TSNARE1: variants seen among roughly 807,000 people sequenced by gnomAD.
The protein encoded by TSNARE1 is t-SNARE domain-containing protein 1.
Under a neutral mutation model 62.0 loss-of-function variants are expected in TSNARE1, and 49 were observed. The observed-to-expected ratio is 0.79, with a 90% CI of 0.63 to 1.00. The LOEUF is 1.00. Among genes scored for constraint, TSNARE1 ranks in the 50% least tolerant of loss-of-function variants. TSNARE1 has a pLI of 0.00. For missense variants in TSNARE1, 755 were observed against 700.1 expected (o/e 1.08, Z -0.88); for synonymous variants, 328 against 294.4 (o/e 1.11, Z -1.17).
chr8:142,289,137 G>A (rs1461211762), intron 10 of TSNARE1, among the ~76,000 whole-genome samples: 2 of 152,314 alleles, frequency 1.3e-5, no homozygotes, highest in East Asian at 1.9e-4. Context: ...CAGCCCACTC[G>A]GAGGCACCCC....
intron 11 of TSNARE1, chr8:142,278,162 C>T: frequency 2.0e-6 from 2 of 985,360 alleles, no homozygotes; most frequent in Non-Finnish European, 2.4e-6. Flanking sequence ...TGCCCAGGCC[C>T]ATCGCCCAAG....
intron 11 of TSNARE1, chr8:142,280,079 T>G: frequency 8.2e-7 from 1 of 1,213,292 alleles, no homozygotes; most frequent in Non-Finnish European, 1.0e-6. Context: ...AGGATGCGGC[T>G]CCACACGCGG....
intron 12 of TSNARE1, among the ~76,000 whole-genome samples, chr8:142,234,210 C>T (rs764116913): frequency 6.6e-6 from 1 of 151,956 alleles, no homozygotes; most frequent in African/African-American, 2.4e-5. Context: ...TGACCACCAC[C>T]ATGGGTTCAG....
intron 1 of TSNARE1, among the ~76,000 whole-genome samples, chr8:142,371,804 C>T (rs1244505275): frequency 6.6e-6 from 1 of 152,176 alleles, no homozygotes; most frequent in Non-Finnish European, 1.5e-5. Context: ...TTAGCCTAAG[C>T]TGAGGGTTGG....
chr8:142,333,723 G>A (rs1336453530), intron 4 of TSNARE1, among the ~76,000 whole-genome samples: 2 of 152,198 alleles, frequency 1.3e-5, no homozygotes, highest in Non-Finnish European at 2.9e-5. Context: ...TGGCTCCCCA[G>A]CAAGTCCTGG....
At chr8:142,362,577 C>T (rs1233187498) in intron 1 of TSNARE1, among the ~76,000 whole-genome samples, 3 of 152,124 alleles carry the variant, frequency 2.0e-5, no homozygotes, top group African/African-American at 7.2e-5. Context: ...AGCATACAAG[C>T]ACACTAGGCC....
chr8:142,330,651 C>T (rs972502570), intron 6 of TSNARE1, among the ~76,000 whole-genome samples: 10 of 152,230 alleles, frequency 6.6e-5, no homozygotes, highest in Admixed American at 1.3e-4. Context: ...TGGGCTTCTA[C>T]GTCGGGGCGG....
chr8:142,296,499 G>C (rs1206743748), intron 10 of TSNARE1, among the ~76,000 whole-genome samples: 1 of 151,652 alleles, frequency 6.6e-6, no homozygotes, highest in African/African-American at 2.4e-5. Context: ...TGTCTTTGGG[G>C]GCACTGGCCA....
intron 4 of TSNARE1, among the ~76,000 whole-genome samples, chr8:142,339,621 C>T (rs1027195503): frequency 1.1e-4 from 17 of 152,210 alleles, no homozygotes; most frequent in African/African-American, 4.1e-4. Flanking sequence ...CGTGACTAAA[C>T]CCCAAGCTGC....
intron 12 of TSNARE1, among the ~76,000 whole-genome samples, chr8:142,235,799 C>T (rs1004196887): frequency 2.6e-5 from 4 of 152,182 alleles, no homozygotes; most frequent in African/African-American, 4.8e-5. Flanking sequence ...GAAAGGGAAG[C>T]GGCCCTGAGC....
At chr8:142,351,735 G>A (rs1834117620) in intron 2 of TSNARE1, among the ~76,000 whole-genome samples, 1 of 152,170 alleles carries the variant, frequency 6.6e-6, no homozygotes, top group Admixed American at 6.5e-5. Context: ...AATTAAGGTG[G>A]ATTTTGGCAC....
chr8:142,341,940 A>G lies in TSNARE1; in HGVS notation c.745+2026T>C, dbSNP rs117642022. Among the ~76,000 whole-genome samples, 1,184 of 152,324 alleles carry G rather than the reference A, an allele frequency of 7.8e-3. 9 individuals carry two copies. Among genetic ancestry groups the G allele is most frequent in the Non-Finnish European group, 0.012 (802 of 68,016 alleles). Reference sequence around the variant, plus strand: ...TAAAAGCCAGAGACAAGCAGCCCACAGCCCATGACAGCAGTGCTCTGTGTC... The same window carrying G: ...TAAAAGCCAGAGACAAGCAGCCCACGGCCCATGACAGCAGTGCTCTGTGTC... On this transcript the variant is annotated intron_variant, in intron 4 of 13. Coordinates refer to ENST00000524325, the MANE Select transcript of TSNARE1 (RefSeq NM_145003.5).
intron 1 of TSNARE1, among the ~76,000 whole-genome samples, chr8:142,377,173 G>A (rs1836404127): frequency 6.6e-6 from 1 of 152,140 alleles, no homozygotes; most frequent in Admixed American, 6.5e-5. Context: ...AGGTGACTTG[G>A]GACAAAACAT....
chr8:142,219,772 C>T (rs570716070), intron 13 of TSNARE1, among the ~76,000 whole-genome samples: 3 of 152,352 alleles, frequency 2.0e-5, no homozygotes, highest in East Asian at 1.9e-4. Flanking sequence ...CCCTTCCCCC[C>T]TGCCCCTCCA....
intron 6 of TSNARE1, among the ~76,000 whole-genome samples, chr8:142,327,407 A>G (rs891605189): frequency 5.9e-5 from 9 of 151,878 alleles, no homozygotes; most frequent in African/African-American, 2.2e-4. Flanking sequence ...GTGTCCTCAC[A>G]GTGGGACTGA....
intron 9 of TSNARE1, among the ~76,000 whole-genome samples, chr8:142,302,373 AG>A (rs1166735134): frequency 6.6e-6 from 1 of 152,126 alleles, no homozygotes. Context: ...TCTGGACAGG[AG>A]GATCTGACAG....
chr8:142,359,438 A>G (rs945885612), intron 1 of TSNARE1, among the ~76,000 whole-genome samples: 1 of 152,018 alleles, frequency 6.6e-6, no homozygotes, highest in African/African-American at 2.4e-5. Flanking sequence ...TCCTGTCCCT[A>G]ATCAAGAACC....
intron 13 of TSNARE1, among the ~76,000 whole-genome samples, chr8:142,222,330 ACTCG>A (rs199970367): frequency 3.9e-5 from 1 of 25,868 alleles, no homozygotes; most frequent in African/African-American, 1.0e-4. Context: ...TAATTCACTC[ACTCG>A]CTCACTCATC....
chr8:142,256,362 C>CT (rs1818563333), intron 12 of TSNARE1, among the ~76,000 whole-genome samples: 4 of 145,854 alleles, frequency 2.7e-5, no homozygotes, highest in African/African-American at 1.0e-4. Context: ...TCATTATCAC[C>CT]ACCATCATCA....
Sources: allele counts gnomAD v4.1 joint callset (sites outside exome capture counted in the v4.1 genomes callset), GRCh38; gene constraint gnomAD v4.1.1; transcripts MANE v1.5; gene names NCBI Gene and HGNC (gene_info 2026-07-23, HGNC 2026-07-21).